The following DNAH3 variants were observed in gnomAD, a reference collection of about 807,000 sequenced individuals.
DNAH3 encodes axonemal beta dynein heavy chain 3.
A neutral mutation model predicts 432.5 loss-of-function variants in DNAH3; 332 were observed. The observed-to-expected ratio is 0.77, with a 90% CI of 0.70 to 0.84. The LOEUF is 0.84. Ranked by LOEUF, DNAH3 falls within the 40% of genes least tolerant of loss-of-function variation. The pLI, the probability that DNAH3 is intolerant of heterozygous loss-of-function variation, is 0.00. For synonymous variants in DNAH3, 1,956 were observed against 1,900.2 expected (o/e 1.03, Z -0.76); for missense variants, 4,861 against 5,114.0 (o/e 0.95, Z 1.51).
intron 41 of DNAH3, among the ~76,000 whole-genome samples, chr16:21,007,622 G>A (rs545770834): frequency 6.6e-6 from 1 of 151,984 alleles, no homozygotes; most frequent in Non-Finnish European, 1.5e-5. Context: ...CCCTTATAAG[G>A]TACATAATTT....
chr16:21,018,417 G>A (rs1263755207), intron 41 of DNAH3, among the ~76,000 whole-genome samples: 4 of 150,998 alleles, frequency 2.6e-5, no homozygotes, highest in African/African-American at 9.7e-5. Flanking sequence ...TCCTTTCTCT[G>A]TATTTTCTAA....
chr16:21,124,423 A>C (rs2092404735), intron 9 of DNAH3, among the ~76,000 whole-genome samples: 1 of 152,140 alleles, frequency 6.6e-6, no homozygotes, highest in South Asian at 2.1e-4. Context: ...CTTAATACTG[A>C]GTGATTATCT....
chr16:21,125,867 C>G (rs1197064850), intron 8 of DNAH3, among the ~76,000 whole-genome samples: 4 of 152,168 alleles, frequency 2.6e-5, no homozygotes, highest in Non-Finnish European at 4.4e-5. Flanking sequence ...GAAGAAATAG[C>G]CAAGTGTGGT....
At chr16:21,148,639 C>T (rs1395858514) in intron 1 of DNAH3, among the ~76,000 whole-genome samples, 1 of 152,012 alleles carries the variant, frequency 6.6e-6, no homozygotes, top group Non-Finnish European at 1.5e-5. Context: ...GAGCATTTTG[C>T]AGAACACAAT....
At chr16:20,954,232 A>G (rs947360792) in intron 55 of DNAH3, among the ~76,000 whole-genome samples, 1 of 151,500 alleles carries the variant, frequency 6.6e-6, no homozygotes, top group Admixed American at 6.6e-5. Context: ...CAAAAAAAAA[A>G]AAAAAAATTC....
intron 18 of DNAH3, among the ~76,000 whole-genome samples, chr16:21,091,778 T>C (rs1196945901): frequency 1.3e-5 from 2 of 151,732 alleles, no homozygotes; most frequent in East Asian, 3.9e-4. Flanking sequence ...ATCACACCAT[T>C]ACACTCCAGC....
intron 57 of DNAH3, among the ~76,000 whole-genome samples, chr16:20,945,181 T>C (rs2152570903): frequency 6.6e-6 from 1 of 152,276 alleles, no homozygotes; most frequent in South Asian, 2.1e-4. Context: ...CAAACCAAGA[T>C]GGCCACGGAA....
chr16:21,047,725 G>A lies in DNAH3; in HGVS notation c.4461+1844C>T, dbSNP rs548259899. Among the ~76,000 whole-genome samples the A allele has an allele frequency of 4.1e-3, 628 of 152,206 alleles. 4 individuals are homozygous for A. The highest frequency in any genetic ancestry group is 0.014 in the African/African-American group (576 of 41,528). Reference sequence around the variant, plus strand: ...TTTGTTCCGTTGCTGGTGAGGAACTGCGTTCCTTTGGAGGAGGAGAGGTGC... The same window carrying A: ...TTTGTTCCGTTGCTGGTGAGGAACTACGTTCCTTTGGAGGAGGAGAGGTGC... On this transcript the variant is annotated intron_variant, in intron 31 of 61. Coordinates refer to ENST00000261383, the Ensembl canonical transcript of DNAH3.
intron 35 of DNAH3, 84 bp downstream of exon 35, chr16:21,036,630 G>A: frequency 7.6e-7 from 1 of 1,312,132 alleles, no homozygotes. Flanking sequence ...TGTCACTTCA[G>A]TTCCAATCTC....
chr16:20,985,445 C>T (rs1177319551), exon 48 of DNAH3: 1 of 1,614,230 alleles, frequency 6.2e-7, no homozygotes, highest in South Asian at 1.1e-5. Flanking sequence ...CCTATGCCCA[C>T]CAGGAGCAGG....
chr16:20,968,839 GTC>G (rs1277219797), intron 52 of DNAH3, among the ~76,000 whole-genome samples: 1 of 147,398 alleles, frequency 6.8e-6, no homozygotes, highest in Non-Finnish European at 1.5e-5. Flanking sequence ...TTTTCTCCCT[GTC>G]TCTGTCTCTC....
chr16:21,076,710 CT>C (rs527879173), intron 20 of DNAH3, among the ~76,000 whole-genome samples: 16 of 151,646 alleles, frequency 1.1e-4, no homozygotes, highest in South Asian at 4.2e-4. Context: ...TTAATTAATC[CT>C]TTTTTTTCAT....
At chr16:21,120,889 C>A (rs368545178) in intron 10 of DNAH3, 414 of 1,506,428 alleles carry the variant, frequency 2.7e-4, no homozygotes, top group Non-Finnish European at 3.7e-4. Context: ...ATTACAGGGT[C>A]TTTTCTTCCA....
rs150072132 is a variant in DNAH3 at position 20,959,358 on chromosome 16, T to C, written c.10647A>G (p.Thr3549=). Residue 3549 remains threonine, a synonymous_variant, in exon 54 of 62, where the codon ACA becomes ACG. Transcript: ENST00000261383. ...GGCCTTGGCCAAGGGAGATGGTCTG[T>C]GTTCTGGTACCTCCCATACCAAGAT... 327 of 1,614,234 alleles carry C rather than the reference T, an allele frequency of 2.0e-4. 1 individual carries two copies. The African/African-American group carries it at 4.0e-3, about 20-fold the overall frequency.
At position 20,984,990 on chromosome 16, in the gene DNAH3, C is replaced by T. The variant is rs367867788; in HGVS notation, c.7665+87G>A. The T allele has an allele frequency of 4.2e-6, 6 of 1,443,138 alleles. No homozygotes were observed. In the Admixed American group the frequency reaches 6.0e-5, roughly 14 times the overall value. 89.4% of individuals were successfully genotyped at this position (1,443,138 alleles called of 1,614,324 possible). On this transcript the variant is annotated intron_variant, in intron 48 of 61. Coordinates refer to ENST00000261383, the Ensembl canonical transcript of DNAH3. Reference sequence around the variant, plus strand: ...GTAAGGGATTGGCCTGCTCAGGGCACTCAGAAGACCCCAAAACACCCAGAA... The same window carrying T: ...GTAAGGGATTGGCCTGCTCAGGGCATTCAGAAGACCCCAAAACACCCAGAA...
intron 12 of DNAH3, among the ~76,000 whole-genome samples, chr16:21,115,859 G>A (rs974014911): frequency 2.6e-5 from 4 of 152,130 alleles, no homozygotes; most frequent in African/African-American, 9.7e-5. Flanking sequence ...AAATTCACGA[G>A]GGCAGGGCTT....
At chr16:21,133,259 A>G (rs1052116576) in intron 7 of DNAH3, among the ~76,000 whole-genome samples, 6 of 150,634 alleles carry the variant, frequency 4.0e-5, no homozygotes, top group African/African-American at 1.5e-4. Flanking sequence ...CTAACTTGGG[A>G]GACTGAGGTG....
rs2084235159 is a variant in DNAH3, at chr16:20,949,875, T to G, written c.11189-1238A>C. Among the ~76,000 whole-genome samples the G allele has an allele frequency of 2.0e-5, 3 of 152,316 alleles. No individual in the cohort carries two copies. In the South Asian group the frequency reaches 6.2e-4, roughly 32 times the overall value. The stretch of plus-strand genomic sequence containing the variant: ...GGCTGGTTTATGACCGGCAGGCAGT[T>G]GGTTTATGGCTTGCAGGCAGTTCTC... On this transcript the variant is annotated intron_variant, in intron 56 of 61. Transcript: ENST00000261383.
chr16:21,070,760 G>C (rs747566165), exon 22 of DNAH3: 1 of 1,613,550 alleles, frequency 6.2e-7, no homozygotes, highest in Admixed American at 1.7e-5. Flanking sequence ...CACATGGTCT[G>C]GGTCTTTATC....
Sources: allele counts gnomAD v4.1 joint callset (sites outside exome capture counted in the v4.1 genomes callset), GRCh38; gene constraint gnomAD v4.1.1; transcripts MANE v1.5; gene names NCBI Gene and HGNC (gene_info 2026-07-23, HGNC 2026-07-21).